The following NAF1 variants were observed in gnomAD, a reference collection of about 807,000 sequenced individuals.
NAF1 encodes nuclear assembly factor 1 ribonucleoprotein.
A neutral mutation model predicts 40.6 loss-of-function variants in NAF1; 11 were observed. The observed-to-expected ratio is 0.27, with a 90% CI of 0.17 to 0.45. NAF1 has a LOEUF of 0.45. Among genes scored for constraint, NAF1 ranks in the 20% least tolerant of loss-of-function variants. The pLI is 1.00. For missense variants in NAF1, 607 were observed against 611.1 expected (o/e 0.99, Z 0.07); for synonymous variants, 260 against 228.5 (o/e 1.14, Z -1.24).
intron 4 of NAF1, 116 bp downstream of exon 4, chr4:163,145,666 G>A: frequency 1.5e-6 from 1 of 683,242 alleles, no homozygotes; most frequent in Non-Finnish European, 2.5e-6. Flanking sequence ...AAATTAGAGA[G>A]CTCTAGATTG....
intron 2 of NAF1, among the ~76,000 whole-genome samples, chr4:163,149,797 A>G (rs1231108806): frequency 6.6e-6 from 1 of 152,162 alleles, no homozygotes; most frequent in Non-Finnish European, 1.5e-5. Context: ...GTGACATTAA[A>G]TAGCCTTTTT....
At chr4:163,142,157 G>A (rs531232681) in intron 4 of NAF1, among the ~76,000 whole-genome samples, 1 of 152,228 alleles carries the variant, frequency 6.6e-6, no homozygotes, top group Non-Finnish European at 1.5e-5. Flanking sequence ...GTGAAGGACA[G>A]AAGAGGTGCA....
At chr4:163,157,543 AAAGAC>A (rs1177164248) in intron 2 of NAF1, 2 of 151,984 alleles carry the variant, frequency 1.3e-5, no homozygotes, top group Non-Finnish European at 2.9e-5. Flanking sequence ...ATGTAATCAA[AAAGAC>A]AACACATTAA....
intron 2 of NAF1, among the ~76,000 whole-genome samples, chr4:163,153,205 C>T (rs1356837238): frequency 2.6e-5 from 4 of 152,212 alleles, no homozygotes; most frequent in East Asian, 1.9e-4. Flanking sequence ...CGAGTCCCAT[C>T]GACCACCCAA....
intron 5 of NAF1, among the ~76,000 whole-genome samples, chr4:163,137,822 G>A (rs1383970065): frequency 6.6e-6 from 1 of 152,142 alleles, no homozygotes; most frequent in Non-Finnish European, 1.5e-5. Flanking sequence ...GTTGGAGGAA[G>A]AGGAAGAGAA....
intron 6 of NAF1, chr4:163,136,387 G>T (rs1465416792): frequency 2.0e-5 from 3 of 147,908 alleles, no homozygotes; most frequent in African/African-American, 5.0e-5. Flanking sequence ...CATAAGAACT[G>T]CTGAGCAAGC....
chr4:163,164,607 T>G (rs1732375328), intron 1 of NAF1, among the ~76,000 whole-genome samples: 1 of 152,192 alleles, frequency 6.6e-6, no homozygotes, highest in Non-Finnish European at 1.5e-5. Flanking sequence ...GATATGGTAT[T>G]GGGAAAGTAG....
intron 6 of NAF1, chr4:163,133,624 A>G (rs930523644): frequency 5.6e-6 from 1 of 179,268 alleles, no homozygotes; most frequent in African/African-American, 2.4e-5. Flanking sequence ...ACAATGTTCC[A>G]TAATTCATTC....
intron 4 of NAF1, chr4:163,142,049 T>TTTAA (rs1449229052): frequency 4.2e-6 from 2 of 481,646 alleles, no homozygotes; most frequent in Non-Finnish European, 5.4e-6. Flanking sequence ...AATTTAAAGC[T>TTTAA]TTAAAAAAGT....
intron 2 of NAF1, among the ~76,000 whole-genome samples, chr4:163,149,453 A>G (rs942281034): frequency 2.0e-5 from 3 of 152,180 alleles, no homozygotes; most frequent in Admixed American, 2.0e-4. Flanking sequence ...TCATTCAACC[A>G]GAGTTGATAA....
At chr4:163,123,531 G>A (rs553321065), downstream of NAF1, among the ~76,000 whole-genome samples, 5 of 152,222 alleles carry the variant, frequency 3.3e-5, no homozygotes, top group East Asian at 1.9e-4. Context: ...ACAGGCATGC[G>A]TAACCATGCT....
chr4:163,129,268 C>T lies in NAF1; in HGVS notation c.1114G>A (p.Glu372Lys), dbSNP rs980696666. Reference sequence around the variant, plus strand: ...GCCCTGGAAAATCCTCGTGTGAATTCTCTGTTACGATATCCTTTTGCATGC... The same window carrying T: ...GCCCTGGAAAATCCTCGTGTGAATTTTCTGTTACGATATCCTTTTGCATGC... ...SEHAKGYRNR[E>K]FTRGFSRARY... Residue 372 changes from glutamate to lysine, a missense_variant, in exon 8 of 8, where the codon GAA becomes AAA. Around this residue, in one of 3 missense-constraint regions of NAF1, gnomAD observed 189 missense variants for 216.6 expected, o/e 0.87. Coordinates refer to ENST00000274054, the MANE Select transcript of NAF1 (RefSeq NM_138386.3). 1 of 1,614,104 alleles carries T rather than the reference C, an allele frequency of 6.2e-7. No homozygotes were observed. The highest frequency in any genetic ancestry group is 8.5e-7 in the Non-Finnish European group (1 of 1,180,012).
Position 163,121,510 on chromosome 4 carries a change from C to T in NAF1, c.115-11220G>A, listed in dbSNP as rs542815819. ...TGAAAATGAATTCTTGTGAATAATA[C>T]TGTTCTTTATTTTTTATATTTTCCA... On this transcript the variant is annotated intron_variant, in intron 2 of 2. Coordinates refer to the NAF1 transcript ENST00000509434. 3.9e-4 allele frequency among the ~76,000 whole-genome samples: 60 copies of T among 152,142 alleles called. 1 individual carries two copies. The highest frequency in any genetic ancestry group is 3.4e-3 in the Middle Eastern group (1 of 294).
At chr4:163,135,237 C>A (rs189016143) in intron 6 of NAF1, 40 of 152,150 alleles carry the variant, frequency 2.6e-4, no homozygotes, top group Non-Finnish European at 2.9e-4. Context: ...TAAGTTTAAA[C>A]CTCACAAATT....
chr4:163,109,133 T>TA (rs1180958204), downstream of NAF1, among the ~76,000 whole-genome samples: 1 of 150,062 alleles, frequency 6.7e-6, no homozygotes. Flanking sequence ...TCCAGTCATG[T>TA]AAGGTTTTGG....
Position 163,145,778 on chromosome 4 carries a change from A to G in NAF1, c.717+4T>C. On this transcript the variant is annotated splice_donor_region_variant and intron_variant, in intron 4 of 7. Coordinates refer to ENST00000274054, the MANE Select transcript of NAF1 (RefSeq NM_138386.3). ...ATTTGTAAGATTTGAAATGTTTTAC[A>G]AACCTTTCCTGCTGCTTGTCGATCA... 6.4e-7 allele frequency: 1 copy of G among 1,557,250 alleles called. No individual in the cohort carries two copies. The highest frequency in any genetic ancestry group is 8.8e-7 in the Non-Finnish European group (1 of 1,139,922).
rs551360092 is a variant in NAF1 at position 163,121,109 on chromosome 4, T to G, written c.115-10819A>C. 2.6e-5 allele frequency among the ~76,000 whole-genome samples: 4 copies of G among 152,280 alleles called. No individual in the cohort carries two copies. The East Asian group carries it at 7.7e-4, about 29-fold the overall frequency. On this transcript the variant is annotated intron_variant, in intron 2 of 2. Transcript: ENST00000509434. ...TTTCACCATGTTGGCCAGGCTGGTC[T>G]CGAACTCCTGACCTCAAGTGATCTG...
intron 4 of NAF1, chr4:163,141,847 G>A: frequency 1.6e-6 from 1 of 621,876 alleles, no homozygotes; most frequent in East Asian, 1.4e-4. Context: ...CTTGATTTTT[G>A]ATAGTAAATG....
chr4:163,104,668 G>A, the NAF1 span, among the ~76,000 whole-genome samples: 1 of 152,146 alleles, frequency 6.6e-6, no homozygotes, highest in Non-Finnish European at 1.5e-5. Flanking sequence ...CTAATTAGCC[G>A]GTCAGAAAGA....
Sources: gnomAD v4.1 joint callset for allele counts (sites outside exome capture counted in the v4.1 genomes callset) on GRCh38, gnomAD v4.1.1 for gene constraint, gnomAD v4.1.1 regional missense constraint, MANE v1.5 for transcripts, NCBI Gene and HGNC (gene_info 2026-07-23, HGNC 2026-07-21) for gene names.